The following ITPR2 variants were observed in gnomAD, a reference collection of about 807,000 sequenced individuals.
The protein encoded by ITPR2 is inositol 1,4,5-trisphosphate receptor type 2, also known as inositol 1,4,5-trisphosphate-gated calcium channel ITPR2.
A neutral mutation model predicts 317.1 loss-of-function variants in ITPR2; 207 were observed. The ratio of observed to expected loss-of-function variants is 0.65; its 90% CI spans 0.58 to 0.73. The LOEUF (loss-of-function observed/expected upper bound fraction) is 0.73. Ranked by LOEUF, ITPR2 falls within the 30% of genes least tolerant of loss-of-function variation. The pLI, the probability that ITPR2 is intolerant of heterozygous loss-of-function variation, is 0.00. For synonymous variants in ITPR2, 1,156 were observed against 1,149.1 expected, an observed-to-expected ratio of 1.01 and a Z score of -0.12; for missense variants, 2,613 against 3,284.0, an observed-to-expected ratio of 0.80 and a Z score of 4.99.
intron 20 of ITPR2, among the ~76,000 whole-genome samples, chr12:26,654,455 C>T (rs1025040272): frequency 1.3e-5 from 2 of 152,186 alleles, no homozygotes; most frequent in African/African-American, 4.8e-5. Flanking sequence ...CAATTAATTA[C>T]CTTAATAAAT....
At chr12:26,408,648 G>A (rs1198680426) in intron 52 of ITPR2, among the ~76,000 whole-genome samples, 4 of 152,080 alleles carry the variant, frequency 2.6e-5, no homozygotes, top group Non-Finnish European at 5.9e-5. Context: ...CCTCTTCTGG[G>A]CCCACTGAGT....
chr12:26,782,023 TATATATATATGTATAGAGAGAGAGAGAG>T (rs1378005319), intron 2 of ITPR2, among the ~76,000 whole-genome samples: 7 of 28,426 alleles, frequency 2.5e-4, no homozygotes, highest in East Asian at 1.6e-3. Context: ...TATATATATA[TATATATATATGTATAGAGAGAGAGAGAG>T]AGAGAGAGAG....
intron 2 of ITPR2, among the ~76,000 whole-genome samples, chr12:26,778,855 G>C (rs559015034): frequency 1.3e-5 from 2 of 152,248 alleles, no homozygotes; most frequent in East Asian, 3.9e-4. Context: ...AGGTCCAGTG[G>C]TGTGGGGCCT....
intron 1 of ITPR2, among the ~76,000 whole-genome samples, chr12:26,794,332 A>C (rs1177586152): frequency 6.6e-6 from 1 of 152,240 alleles, no homozygotes; most frequent in Non-Finnish European, 1.5e-5. Context: ...TTTGTCAAAA[A>C]TAAAGTATAC....
In ITPR2 at chr12:26,686,617, G is replaced by C. The variant is rs1400407380; in HGVS notation, c.1012C>G (p.Pro338Ala). 2 of 1,609,208 alleles carry C rather than the reference G, an allele frequency of 1.2e-6. No homozygotes were observed. Among genetic ancestry groups the C allele is most frequent in the Non-Finnish European group, 1.7e-6 (2 of 1,177,652 alleles). ...GCCTGGCGTTTTTTCTTTGAAGTTG[G>C]AGGGACTCCATCTCTCTGTTGAGGA... The part of the protein sequence containing the change: ...EGKNVRDGVP[P>A]TSKKKRQAGE... Residue 338 changes from proline to alanine, a missense_variant, in exon 11 of 57, where the codon CCA (proline) becomes GCA (alanine). By Grantham distance (27) the Pro-to-Ala change is conservative. This residue lies in a region of ITPR2 where 515 missense variants were observed against 789.4 expected (regional missense o/e 0.65). Coordinates refer to ENST00000381340, the MANE Select transcript of ITPR2 (RefSeq NM_002223.4).
intron 9 of ITPR2, among the ~76,000 whole-genome samples, chr12:26,696,140 A>G (rs1948344668): frequency 6.6e-6 from 1 of 152,084 alleles, no homozygotes; most frequent in Non-Finnish European, 1.5e-5. Context: ...CTACTGAAAC[A>G]AACAAACACA....
chr12:26,728,779 T>G (rs1406176912), intron 2 of ITPR2, among the ~76,000 whole-genome samples: 1 of 152,210 alleles, frequency 6.6e-6, no homozygotes, highest in African/African-American at 2.4e-5. Flanking sequence ...TGAAAGTTCT[T>G]TGTGAACTTT....
intron 2 of ITPR2, among the ~76,000 whole-genome samples, chr12:26,750,611 G>A (rs1224864941): frequency 6.6e-6 from 1 of 152,156 alleles, no homozygotes; most frequent in Admixed American, 6.5e-5. Context: ...ACAACAGGTG[G>A]AAACCAGTAT....
chr12:26,632,648 C>G (rs1946781367), intron 21 of ITPR2, among the ~76,000 whole-genome samples: 1 of 152,146 alleles, frequency 6.6e-6, no homozygotes, highest in South Asian at 2.1e-4. Flanking sequence ...CTTCCCATTC[C>G]TTCATCCAAT....
chr12:26,756,793 C>CA (rs1281939577), intron 2 of ITPR2, among the ~76,000 whole-genome samples: 1 of 152,152 alleles, frequency 6.6e-6, no homozygotes. Context: ...GGGGAAATGT[C>CA]AGAGGTGTTT....
intron 9 of ITPR2, among the ~76,000 whole-genome samples, chr12:26,704,982 T>C (rs1184887505): frequency 6.6e-6 from 1 of 152,202 alleles, no homozygotes; most frequent in East Asian, 1.9e-4. Flanking sequence ...ATTATAAATA[T>C]GTCTGTTAAA....
rs1481323009 is a variant in ITPR2, at chr12:26,724,644, GAA to G, written c.366+10_366+11del. 1 of 1,500,290 alleles carries G rather than the reference GAA, an allele frequency of 6.7e-7. No individual in the cohort carries two copies. The highest frequency in any genetic ancestry group is 9.2e-7 in the Non-Finnish European group (1 of 1,082,038). The allele number at this position is 1,500,290 out of a possible 1,614,324, so 92.9% of individuals were successfully genotyped here. On this transcript the variant is annotated intron_variant, in intron 4 of 56. Transcript: ENST00000381340. Reference sequence around the variant, plus strand: ...CATAAAATACTCACCTCGTTTAAGAGAAAATACTTACTTGTATAACATTACTG... The same window carrying G: ...CATAAAATACTCACCTCGTTTAAGAGAATACTTACTTGTATAACATTACTG...
chr12:26,399,739 A>G (rs1940109793), intron 53 of ITPR2, among the ~76,000 whole-genome samples: 1 of 152,228 alleles, frequency 6.6e-6, no homozygotes, highest in African/African-American at 2.4e-5. Context: ...TATATTTATC[A>G]TAGATAAATG....
At chr12:26,696,086 A>C (rs973904366) in intron 9 of ITPR2, among the ~76,000 whole-genome samples, 4 of 152,244 alleles carry the variant, frequency 2.6e-5, no homozygotes, top group African/African-American at 9.6e-5. Flanking sequence ...AAAACAGAGC[A>C]AAAAAGGAGC....
chr12:26,522,540 AG>A (rs1323990614), intron 37 of ITPR2, among the ~76,000 whole-genome samples: 2 of 152,188 alleles, frequency 1.3e-5, no homozygotes, highest in East Asian at 3.8e-4. Flanking sequence ...GTCACCTCTG[AG>A]CAGTGCGACC....
intron 37 of ITPR2, among the ~76,000 whole-genome samples, chr12:26,530,165 C>G (rs1057361226): frequency 3.3e-5 from 5 of 152,130 alleles, no homozygotes; most frequent in Non-Finnish European, 5.9e-5. Context: ...ACAGATGATG[C>G]AGGTTAGAGC....
intron 51 of ITPR2, among the ~76,000 whole-genome samples, chr12:26,414,088 A>G (rs201908943): frequency 1.4e-5 from 1 of 72,550 alleles, no homozygotes; most frequent in East Asian, 3.3e-4. Flanking sequence ...CACACACACA[A>G]ACACAAGTCC....
intron 2 of ITPR2, among the ~76,000 whole-genome samples, chr12:26,781,892 G>C (rs370976507): frequency 6.6e-6 from 1 of 151,046 alleles, no homozygotes. Flanking sequence ...CTTCTGTGCC[G>C]GATGCTTCCT....
At chr12:26,369,142 A>G (rs1939106268) in intron 55 of ITPR2, among the ~76,000 whole-genome samples, 1 of 152,236 alleles carries the variant, frequency 6.6e-6, no homozygotes, top group South Asian at 2.1e-4. Context: ...GCTGGAGCCT[A>G]TGAATGGGAG....
Sources: gnomAD v4.1 joint callset for allele counts (sites outside exome capture counted in the v4.1 genomes callset) on GRCh38, gnomAD v4.1.1 for gene constraint, gnomAD v4.1.1 regional missense constraint, MANE v1.5 for transcripts, NCBI Gene and HGNC (gene_info 2026-07-23, HGNC 2026-07-21) for gene names.